The following WDR7 variants were observed in gnomAD, a reference collection of about 807,000 sequenced individuals.
The protein encoded by WDR7 is WD repeat domain 7, also known as WD repeat-containing protein 7.
WDR7 carries 46 observed loss-of-function variants against 169.4 expected under a neutral mutation model. The ratio of observed to expected loss-of-function variants is 0.27; its 90% CI spans 0.21 to 0.35. The LOEUF is 0.35. Among genes scored for constraint, WDR7 ranks in the 10% least tolerant of loss-of-function variants. The probability of loss-of-function intolerance (pLI) is 1.00; values close to 1 mark genes in which losing one functional copy is unlikely to be tolerated. For synonymous variants in WDR7, 612 were observed against 666.8 expected, an observed-to-expected ratio of 0.92 and a Z score of 1.27; for missense variants, 1,534 against 1,859.3, an observed-to-expected ratio of 0.83 and a Z score of 3.22.
intron 20 of WDR7, among the ~76,000 whole-genome samples, chr18:56,820,751 A>T (rs1460676475): frequency 6.6e-6 from 1 of 152,180 alleles, no homozygotes; most frequent in African/African-American, 2.4e-5. Context: ...CAGTAAATTG[A>T]TGTAAGTTTT....
chr18:57,023,891 A>G (rs1599255797), intron 27 of WDR7, among the ~76,000 whole-genome samples: 1 of 152,244 alleles, frequency 6.6e-6, no homozygotes, highest in Non-Finnish European at 1.5e-5. Flanking sequence ...ATTGTATAGT[A>G]GAATACTATT....
chr18:56,835,970 C>A (rs1387428880), intron 20 of WDR7, among the ~76,000 whole-genome samples: 1 of 152,100 alleles, frequency 6.6e-6, no homozygotes, highest in Non-Finnish European at 1.5e-5. Flanking sequence ...GTACTTTATA[C>A]TTTTCTAAGA....
At chr18:56,812,079 A>G (rs1272860128) in intron 19 of WDR7, among the ~76,000 whole-genome samples, 2 of 152,098 alleles carry the variant, frequency 1.3e-5, no homozygotes, top group Admixed American at 6.5e-5. Flanking sequence ...CCTGTTTTGA[A>G]TCTTCCGATT....
intron 26 of WDR7, among the ~76,000 whole-genome samples, chr18:56,968,041 C>T (rs1480917423): frequency 6.6e-6 from 1 of 151,894 alleles, no homozygotes; most frequent in East Asian, 1.9e-4. Flanking sequence ...TGTACTATGT[C>T]ACTTGGAGGC....
intron 26 of WDR7, among the ~76,000 whole-genome samples, chr18:56,964,543 A>G (rs1030183425): frequency 6.6e-6 from 1 of 151,782 alleles, no homozygotes; most frequent in Non-Finnish European, 1.5e-5. Context: ...ACACCACCAC[A>G]CCTGGCTAAT....
At chr18:56,913,549 G>A (rs192809037) in intron 21 of WDR7, among the ~76,000 whole-genome samples, 305 of 151,842 alleles carry the variant, frequency 2.0e-3, no homozygotes, top group African/African-American at 7.0e-3. Context: ...CACTTTGGGA[G>A]GCTTAGGTGG....
chr18:56,845,266 G>A (rs2045551383), intron 20 of WDR7, among the ~76,000 whole-genome samples: 1 of 152,054 alleles, frequency 6.6e-6, no homozygotes, highest in Non-Finnish European at 1.5e-5. Context: ...TATATGAAAA[G>A]TTGCAAAGCT....
chr18:56,850,479 T>C (rs2045624933), intron 20 of WDR7, among the ~76,000 whole-genome samples: 1 of 152,148 alleles, frequency 6.6e-6, no homozygotes, highest in South Asian at 2.1e-4. Flanking sequence ...TTTTGAAAAC[T>C]GAACTGACCT....
chr18:56,931,430 A>G (rs1208901498), intron 22 of WDR7, among the ~76,000 whole-genome samples: 1 of 152,178 alleles, frequency 6.6e-6, no homozygotes, highest in Non-Finnish European at 1.5e-5. Context: ...CTTTGACTTC[A>G]TTGCCTGGTC....
intron 20 of WDR7, among the ~76,000 whole-genome samples, chr18:56,870,896 A>ATAT (rs1409538425): frequency 6.6e-6 from 1 of 152,224 alleles, no homozygotes; most frequent in Non-Finnish European, 1.5e-5. Context: ...ATATATTTTG[A>ATAT]TTGGACACAT....
chr18:56,703,662 A>T (rs528403833), intron 12 of WDR7, among the ~76,000 whole-genome samples: 2 of 152,156 alleles, frequency 1.3e-5, no homozygotes, highest in South Asian at 4.1e-4. Context: ...TTTTATTTTT[A>T]AAAATTAAAT....
chr18:56,755,501 G>A (rs567864102), intron 14 of WDR7, among the ~76,000 whole-genome samples: 6 of 152,288 alleles, frequency 3.9e-5, no homozygotes, highest in South Asian at 4.1e-4. Flanking sequence ...AATTTCTGTC[G>A]TGACAGCGGG....
intron 19 of WDR7, among the ~76,000 whole-genome samples, chr18:56,809,465 A>C (rs1322552775): frequency 1.3e-5 from 2 of 152,158 alleles, no homozygotes; most frequent in Non-Finnish European, 2.9e-5. Context: ...ATAATTTGAC[A>C]AATAAGCTCA....
intron 1 of WDR7, 118 bp from the exon 2 acceptor site, chr18:56,672,379 T>A: frequency 4.5e-6 from 3 of 665,190 alleles, no homozygotes; most frequent in Admixed American, 4.1e-5. Context: ...TTTAAGTAGC[T>A]GTAATTCACT....
intron 22 of WDR7, among the ~76,000 whole-genome samples, chr18:56,928,532 G>A (rs557597885): frequency 6.6e-6 from 1 of 152,174 alleles, no homozygotes; most frequent in African/African-American, 2.4e-5. Context: ...ATTAGGGTCA[G>A]ATAAAGAATT....
chr18:56,950,181 T>C (rs2047161636), intron 25 of WDR7, among the ~76,000 whole-genome samples: 1 of 152,230 alleles, frequency 6.6e-6, no homozygotes, highest in Admixed American at 6.5e-5. Flanking sequence ...GTGCTTTGTG[T>C]GTACTTTCCA....
At chr18:56,737,913 A>G (rs1037898660) in intron 14 of WDR7, among the ~76,000 whole-genome samples, 1 of 152,206 alleles carries the variant, frequency 6.6e-6, no homozygotes, top group African/African-American at 2.4e-5. Context: ...ATTCTGTCCC[A>G]AAACTTTAAT....
At chr18:56,783,068 T>A (rs1036158814) in intron 19 of WDR7, among the ~76,000 whole-genome samples, 1 of 152,116 alleles carries the variant, frequency 6.6e-6, no homozygotes, top group Non-Finnish European at 1.5e-5. Flanking sequence ...CAGTGAAAAT[T>A]CTTAATTGTT....
At chr18:56,684,409 G>T (rs1453800418) in intron 5 of WDR7, among the ~76,000 whole-genome samples, 1 of 152,104 alleles carries the variant, frequency 6.6e-6, no homozygotes, top group Non-Finnish European at 1.5e-5. Flanking sequence ...ACTCAACTCT[G>T]CTGTTTTAGC....
Sources: gnomAD v4.1 joint callset for allele counts (sites outside exome capture counted in the v4.1 genomes callset) on GRCh38, gnomAD v4.1.1 for gene constraint, MANE v1.5 for transcripts, NCBI Gene and HGNC (gene_info 2026-07-23, HGNC 2026-07-21) for gene names.